The following ITPR2 variants were observed in gnomAD, a reference collection of about 807,000 sequenced individuals.
The protein encoded by ITPR2 is inositol 1,4,5-trisphosphate-gated calcium channel ITPR2.
ITPR2 carries 207 observed loss-of-function variants against 317.1 expected under a neutral mutation model. The ratio of observed to expected loss-of-function variants is 0.65; its 90% CI spans 0.58 to 0.73. The LOEUF (loss-of-function observed/expected upper bound fraction) is 0.73. Ranked by LOEUF, ITPR2 falls within the 30% of genes least tolerant of loss-of-function variation. ITPR2 has a pLI of 0.00. For synonymous variants in ITPR2, 1,156 were observed against 1,149.1 expected, an observed-to-expected ratio of 1.01 and a Z score of -0.12; for missense variants, 2,613 against 3,284.0, an observed-to-expected ratio of 0.80 and a Z score of 4.99.
intron 1 of ITPR2, among the ~76,000 whole-genome samples, chr12:26,821,540 A>C (rs1950937771): frequency 6.6e-6 from 1 of 152,220 alleles, no homozygotes; most frequent in African/African-American, 2.4e-5. Context: ...TGTTGAGCTC[A>C]TCATTTTATT....
intron 45 of ITPR2, among the ~76,000 whole-genome samples, chr12:26,471,401 G>A (rs1189055803): frequency 6.6e-6 from 1 of 152,168 alleles, no homozygotes; most frequent in Non-Finnish European, 1.5e-5. Context: ...GCAGAGAGAT[G>A]GGGCAGAGAG....
In ITPR2 at chr12:26,715,616, C is replaced by T. The variant is rs1948727148; in HGVS notation, c.708+136G>A. The T allele has an allele frequency of 3.9e-6, 3 of 769,186 alleles. No individual in the cohort carries two copies. The East Asian group carries it at 7.9e-5, about 20-fold the overall frequency. 47.6% of individuals were successfully genotyped at this position (769,186 alleles called of 1,614,324 possible). ...AATGTGGGGGGGAAATTCAGTAAAA[C>T]ACTTAGAGTAAGTATTAACATGTGT... On this transcript the variant is annotated intron_variant, in intron 7 of 56. Transcript: ENST00000381340.
chr12:26,813,744 C>T (rs980281088), intron 1 of ITPR2, among the ~76,000 whole-genome samples: 10 of 152,148 alleles, frequency 6.6e-5, no homozygotes, highest in African/African-American at 2.4e-4. Flanking sequence ...TCCTTTCCAT[C>T]AGGAAGTGTA....
chr12:26,550,579 TACTC>T (rs1402065751), intron 36 of ITPR2, among the ~76,000 whole-genome samples: 2 of 152,178 alleles, frequency 1.3e-5, no homozygotes, highest in Non-Finnish European at 2.9e-5. Context: ...TTCTCAAACT[TACTC>T]AGGTGGCATT....
chr12:26,830,151 G>A lies in ITPR2; in HGVS notation c.92+2539C>T, dbSNP rs192777439. Among the ~76,000 whole-genome samples the A allele has an allele frequency of 1.1e-4, 16 of 152,292 alleles. No homozygotes were observed. The East Asian group carries it at 1.2e-3, about 11-fold the overall frequency. ...ACTGCTGACCTCAAGTGATCTGCCC[G>A]CCTTGGCCTCCCAAAGTGCTGGGAT... On this transcript the variant is annotated intron_variant, in intron 1 of 56. Coordinates refer to ENST00000381340, the MANE Select transcript of ITPR2 (RefSeq NM_002223.4).
intron 49 of ITPR2, among the ~76,000 whole-genome samples, chr12:26,422,751 T>C (rs1256967037): frequency 6.6e-6 from 1 of 152,170 alleles, no homozygotes; most frequent in Non-Finnish European, 1.5e-5. Context: ...CTTACATTGT[T>C]CCTATGGGAA....
At chr12:26,778,536 G>A (rs1274419707) in intron 2 of ITPR2, among the ~76,000 whole-genome samples, 3 of 152,192 alleles carry the variant, frequency 2.0e-5, no homozygotes, top group Non-Finnish European at 2.9e-5. Flanking sequence ...CTCCATTCCT[G>A]TCCATAAGGC....
chr12:26,718,518 A>ATAT (rs57224547), intron 5 of ITPR2, among the ~76,000 whole-genome samples: 9,176 of 149,514 alleles, frequency 0.061, 918 homozygotes, highest in African/African-American at 0.21. Flanking sequence ...TATATATATA[A>ATAT]GGTTTTAAAT....
intron 32 of ITPR2, 30 bp from the exon 33 acceptor site, chr12:26,580,185 T>C (rs1466936984): frequency 1.9e-6 from 3 of 1,594,658 alleles, no homozygotes; most frequent in Non-Finnish European, 2.6e-6. Context: ...ACTCAATATG[T>C]TTTATCACAT....
intron 37 of ITPR2, among the ~76,000 whole-genome samples, chr12:26,547,047 A>G (rs1279928533): frequency 6.6e-6 from 1 of 152,226 alleles, no homozygotes; most frequent in Non-Finnish European, 1.5e-5. Flanking sequence ...AAAAATAGAC[A>G]AATGGGACTA....
chr12:26,648,352 C>G (rs1330062403), intron 21 of ITPR2, among the ~76,000 whole-genome samples: 1 of 152,096 alleles, frequency 6.6e-6, no homozygotes, highest in African/African-American at 2.4e-5. Context: ...ATGTCCAACC[C>G]CAACTGTGCT....
chr12:26,715,622 G>C, intron 7 of ITPR2, 130 bp downstream of exon 7: 1 of 756,916 alleles, frequency 1.3e-6, no homozygotes, highest in Non-Finnish European at 2.1e-6. Flanking sequence ...AAAACACTTA[G>C]AGTAAGTATT....
chr12:26,775,255 C>T (rs1004855895), intron 2 of ITPR2, among the ~76,000 whole-genome samples: 5 of 151,736 alleles, frequency 3.3e-5, no homozygotes, highest in Admixed American at 1.3e-4. Context: ...TTACAAATTT[C>T]AAGATGTCAT....
intron 1 of ITPR2, among the ~76,000 whole-genome samples, chr12:26,832,238 T>A (rs1408769793): frequency 1.3e-5 from 2 of 152,168 alleles, no homozygotes. Flanking sequence ...GAGTTTCATG[T>A]CCAAGGCCAC....
chr12:26,420,327 T>C (rs552067005), intron 49 of ITPR2, among the ~76,000 whole-genome samples: 1 of 152,310 alleles, frequency 6.6e-6, no homozygotes, highest in African/African-American at 2.4e-5. Flanking sequence ...CAATCTTAAC[T>C]TTGTAAAAAC....
intron 26 of ITPR2, among the ~76,000 whole-genome samples, chr12:26,613,632 G>T (rs1946318870): frequency 6.6e-6 from 1 of 152,032 alleles, no homozygotes; most frequent in Non-Finnish European, 1.5e-5. Flanking sequence ...AAGATGGAAG[G>T]TCTGATCAGA....
At chr12:26,403,624 A>G (rs552820268) in intron 52 of ITPR2, among the ~76,000 whole-genome samples, 2 of 152,162 alleles carry the variant, frequency 1.3e-5, no homozygotes. Flanking sequence ...TCTAAAAAAA[A>G]CAAGCAAACA....
chr12:26,681,703 A>G (rs1427335219), intron 13 of ITPR2, among the ~76,000 whole-genome samples, 171 bp downstream of exon 13: 1 of 152,232 alleles, frequency 6.6e-6, no homozygotes, highest in Non-Finnish European at 1.5e-5. Context: ...TAAATCTGAC[A>G]AATTTCACTC....
chr12:26,473,401 T>C (rs1384554963), intron 45 of ITPR2, among the ~76,000 whole-genome samples: 1 of 152,170 alleles, frequency 6.6e-6, no homozygotes. Flanking sequence ...CATCTGGTTG[T>C]TCATTCCCCA....
Sources: gnomAD v4.1 joint callset for allele counts (sites outside exome capture counted in the v4.1 genomes callset) on GRCh38, gnomAD v4.1.1 for gene constraint, MANE v1.5 for transcripts, NCBI Gene and HGNC (gene_info 2026-07-23, HGNC 2026-07-21) for gene names.